The following SPATA16 variants were observed in gnomAD, a reference collection of about 807,000 sequenced individuals.
The protein encoded by SPATA16 is spermatogenesis associated 16, also known as spermatogenesis-associated protein 16.
Under a neutral mutation model 63.3 loss-of-function variants are expected in SPATA16, and 36 were observed. That is an observed-to-expected ratio of 0.57 (90% confidence interval 0.44 to 0.75). The LOEUF is 0.75. SPATA16 is among the 30% of genes least tolerant of loss of function. SPATA16 has a pLI of 0.00. For missense variants in SPATA16, 646 were observed against 679.3 expected (o/e 0.95, Z 0.54); for synonymous variants, 203 against 216.7 (o/e 0.94, Z 0.56).
At position 173,099,615 on chromosome 3, in the gene SPATA16, A is replaced by G. The variant is rs112829931; in HGVS notation, c.612+17505T>C. On this transcript the variant is annotated intron_variant, in intron 2 of 10. Transcript: ENST00000351008. Reference sequence around the variant, plus strand: ...TGGAGAATAGGGATAGAAAGGAGCCATTACTCTATACAATTTTCTACCTCG... The same window carrying G: ...TGGAGAATAGGGATAGAAAGGAGCCGTTACTCTATACAATTTTCTACCTCG... Among the ~76,000 whole-genome samples the G allele has an allele frequency of 6.6e-3, 1,004 of 152,328 alleles. 13 individuals carry two copies. Among genetic ancestry groups the G allele is most frequent in the African/African-American group, 0.023 (949 of 41,582 alleles).
intron 1 of SPATA16, among the ~76,000 whole-genome samples, chr3:173,138,046 G>A (rs1738598725): frequency 6.6e-6 from 1 of 151,916 alleles, no homozygotes; most frequent in African/African-American, 2.4e-5. Flanking sequence ...ACATCTTCAA[G>A]TTAACAAAAT....
In SPATA16 at chr3:173,048,961, T is replaced by C. The variant is rs779666438; in HGVS notation, c.746A>G (p.Asn249Ser). 1.2e-6 allele frequency: 2 copies of C among 1,613,660 alleles called. No homozygotes were observed. The highest frequency in any genetic ancestry group is 2.2e-5 in the South Asian group (2 of 91,080). ...TATATGATTTTACCTGTGTGCATGA[T>C]TCAGGGCAAGATCTGGTTTCCTCAT... ...LRMRKPDLAL[N>S]HAHRSIVLNP... Residue 249 changes from asparagine (N) to serine (S), a missense_variant, in exon 3 of 11, where the codon AAT becomes AGT. Transcript: ENST00000351008.
At chr3:172,913,986 A>G (rs905290599) in intron 9 of SPATA16, among the ~76,000 whole-genome samples, 2 of 152,324 alleles carry the variant, frequency 1.3e-5, no homozygotes, top group South Asian at 4.1e-4. Flanking sequence ...ATAGGTTTTA[A>G]TGTAGTAAGT....
At chr3:173,077,406 GA>G (rs1363358962) in intron 2 of SPATA16, among the ~76,000 whole-genome samples, 1 of 152,160 alleles carries the variant, frequency 6.6e-6, no homozygotes, top group African/African-American at 2.4e-5. Context: ...CGGAATTCCT[GA>G]AAGGGAATTT....
At position 172,892,946 on chromosome 3, in the gene SPATA16, A is replaced by G. The variant is rs1731924631; in HGVS notation, c.1588-3254T>C. Among the ~76,000 whole-genome samples, 5 of 152,348 alleles carry G rather than the reference A, an allele frequency of 3.3e-5. No homozygotes were observed. The South Asian group carries it at 1.0e-3, about 32-fold the overall frequency. ...TTGACATTACAGTGATATGGACATT[A>G]GACCAAATGAGCTTGTAGAGAATTT... On this transcript the variant is annotated intron_variant, in intron 10 of 10. Coordinates refer to ENST00000351008, the MANE Select transcript of SPATA16 (RefSeq NM_031955.6).
chr3:172,926,285 G>A lies in SPATA16; in HGVS notation c.1082-793C>T, dbSNP rs992320327. Among the ~76,000 whole-genome samples the A allele has an allele frequency of 3.3e-5, 5 of 152,268 alleles. No individual in the cohort carries two copies. In the South Asian group the frequency reaches 1.0e-3, roughly 32 times the overall value. On this transcript the variant is annotated intron_variant, in intron 6 of 10. Coordinates refer to ENST00000351008, the MANE Select transcript of SPATA16 (RefSeq NM_031955.6). Reference sequence around the variant, plus strand: ...TAGGAGGAAATTTAAAATGATAAATGTACTGACTATTGTAATTAGACTTGG... The same window carrying A: ...TAGGAGGAAATTTAAAATGATAAATATACTGACTATTGTAATTAGACTTGG...
At chr3:173,038,787 T>A (rs142371879) in intron 3 of SPATA16, among the ~76,000 whole-genome samples, 2 of 152,306 alleles carry the variant, frequency 1.3e-5, no homozygotes, top group Non-Finnish European at 2.9e-5. Flanking sequence ...GTGTTTGAAA[T>A]GTCACAAGGG....
At chr3:173,081,490 A>G (rs1166065459) in intron 2 of SPATA16, among the ~76,000 whole-genome samples, 6 of 152,212 alleles carry the variant, frequency 3.9e-5, no homozygotes, top group Non-Finnish European at 8.8e-5. Flanking sequence ...ATACAAAATC[A>G]TAATGAACAA....
chr3:173,015,460 A>G (rs548452725), intron 4 of SPATA16, among the ~76,000 whole-genome samples: 5 of 152,206 alleles, frequency 3.3e-5, no homozygotes, highest in Admixed American at 6.5e-5. Context: ...GTGGTTTTAA[A>G]TAAAGACCCT....
At chr3:173,031,212 C>G (rs78202599) in intron 3 of SPATA16, among the ~76,000 whole-genome samples, 4,403 of 150,980 alleles carry the variant, frequency 0.029, 218 homozygotes, top group African/African-American at 0.1. Flanking sequence ...TGGGTAAGAT[C>G]GTACATTTTA....
chr3:173,112,825 A>G (rs193074873), intron 2 of SPATA16, among the ~76,000 whole-genome samples: 168 of 152,254 alleles, frequency 1.1e-3, no homozygotes, highest in African/African-American at 3.9e-3. Flanking sequence ...GTCTTCTTTG[A>G]TGGGTTTAAT....
intron 4 of SPATA16, among the ~76,000 whole-genome samples, chr3:172,988,762 G>C (rs941749222): frequency 3.3e-5 from 5 of 152,098 alleles, no homozygotes; most frequent in Non-Finnish European, 7.3e-5. Flanking sequence ...TCAGCCTCCC[G>C]AGTAGCTGAG....
At chr3:172,902,423 C>G (rs1483169968) in intron 10 of SPATA16, among the ~76,000 whole-genome samples, 1 of 152,152 alleles carries the variant, frequency 6.6e-6, no homozygotes, top group African/African-American at 2.4e-5. Context: ...TAGAAGTACT[C>G]TATCATAGGT....
chr3:172,900,161 C>T (rs912312949), intron 10 of SPATA16, among the ~76,000 whole-genome samples: 2 of 152,080 alleles, frequency 1.3e-5, no homozygotes, highest in African/African-American at 4.8e-5. Flanking sequence ...CTGAGAATGT[C>T]TTAATTTCTT....
intron 2 of SPATA16, among the ~76,000 whole-genome samples, chr3:173,081,980 G>A (rs1736933997): frequency 6.6e-6 from 1 of 152,140 alleles, no homozygotes; most frequent in Non-Finnish European, 1.5e-5. Context: ...TTATTAAGAT[G>A]AGCATGTGAT....
chr3:172,956,936 C>A, intron 5 of SPATA16, 112 bp from the exon 6 acceptor site: 2 of 1,268,284 alleles, frequency 1.6e-6, no homozygotes, highest in Non-Finnish European at 2.2e-6. Context: ...TACTGTACTG[C>A]AAAGATAACA....
At chr3:173,049,186 A>G (rs1736024211) in intron 2 of SPATA16, 92 bp from the exon 3 acceptor site, 1 of 1,419,620 alleles carries the variant, frequency 7.0e-7, no homozygotes, top group Non-Finnish European at 9.5e-7. Flanking sequence ...TTATTTATAT[A>G]TGTTTTGCTT....
At chr3:172,984,784 A>T (rs1001707677) in intron 4 of SPATA16, among the ~76,000 whole-genome samples, 1 of 152,164 alleles carries the variant, frequency 6.6e-6, no homozygotes, top group Admixed American at 6.5e-5. Context: ...TGAAATTTCA[A>T]ATATTGCCTG....
intron 1 of SPATA16, among the ~76,000 whole-genome samples, chr3:173,119,544 T>C (rs1263427924): frequency 6.6e-6 from 1 of 152,242 alleles, no homozygotes; most frequent in East Asian, 1.9e-4. Flanking sequence ...TTCCAATAAT[T>C]CTAATAATAG....
Sources: gnomAD v4.1 joint callset for allele counts (sites outside exome capture counted in the v4.1 genomes callset) on GRCh38, gnomAD v4.1.1 for gene constraint, MANE v1.5 for transcripts, NCBI Gene and HGNC (gene_info 2026-07-23, HGNC 2026-07-21) for gene names.